LEPR: variants seen among roughly 807,000 people sequenced by gnomAD.
The protein encoded by LEPR is leptin receptor, also known as OB receptor.
A neutral mutation model predicts 114.7 loss-of-function variants in LEPR; 56 were observed. The ratio of observed to expected loss-of-function variants is 0.49; its 90% confidence interval spans 0.39 to 0.61. LEPR has a LOEUF of 0.61. LEPR is among the 20% of genes least tolerant of loss of function. LEPR has a pLI of 0.00. For synonymous variants in LEPR, 443 were observed against 461.4 expected, an observed-to-expected ratio of 0.96 and a Z score of 0.51; for missense variants, 1,202 against 1,352.9, an observed-to-expected ratio of 0.89 and a Z score of 1.75.
intron 2 of LEPR, among the ~76,000 whole-genome samples, chr1:65,429,342 G>A (rs1203658978): frequency 6.6e-6 from 1 of 152,084 alleles, no homozygotes; most frequent in African/African-American, 2.4e-5. Flanking sequence ...AAAAAAGGCT[G>A]GTGTGGCTAC....
chr1:65,631,141 C>T (rs1658502660), intron 19 of LEPR, among the ~76,000 whole-genome samples: 1 of 152,120 alleles, frequency 6.6e-6, no homozygotes, highest in Non-Finnish European at 1.5e-5. Flanking sequence ...GATGTGCTCT[C>T]AGCTAGCAAT....
chr1:65,534,460 G>A (rs1650615789), intron 2 of LEPR, among the ~76,000 whole-genome samples: 1 of 152,138 alleles, frequency 6.6e-6, no homozygotes, highest in Admixed American at 6.6e-5. Context: ...TTTATTGAGA[G>A]CTTACTCGGG....
At chr1:65,458,136 T>G (rs1170434299) in intron 2 of LEPR, among the ~76,000 whole-genome samples, 1 of 152,200 alleles carries the variant, frequency 6.6e-6, no homozygotes, top group African/African-American at 2.4e-5. Flanking sequence ...ATGAAAACAT[T>G]TTTGAACTTA....
At chr1:65,457,004 G>T (rs913766067) in intron 2 of LEPR, among the ~76,000 whole-genome samples, 2 of 151,738 alleles carry the variant, frequency 1.3e-5, no homozygotes, top group Non-Finnish European at 2.9e-5. Flanking sequence ...ATTTTTTAGT[G>T]TTTGCCCTAA....
intron 1 of LEPR, among the ~76,000 whole-genome samples, chr1:65,424,321 A>G (rs544201330): frequency 2.1e-4 from 32 of 152,232 alleles, no homozygotes; most frequent in Non-Finnish European, 4.0e-4. Flanking sequence ...CAAAATGATC[A>G]AAGGTATATA....
chr1:65,520,209 G>T (rs1291081036), intron 2 of LEPR, among the ~76,000 whole-genome samples: 1 of 152,096 alleles, frequency 6.6e-6, no homozygotes, highest in Non-Finnish European at 1.5e-5. Flanking sequence ...TGCCCAGGCT[G>T]GTCTTGAACT....
intron 2 of LEPR, among the ~76,000 whole-genome samples, chr1:65,508,509 T>G (rs1648871806): frequency 6.6e-6 from 1 of 152,212 alleles, no homozygotes; most frequent in Non-Finnish European, 1.5e-5. Context: ...TGTATAGGTT[T>G]ATTCCTGAGC....
intron 2 of LEPR, among the ~76,000 whole-genome samples, chr1:65,426,723 G>A (rs1459949395): frequency 2.0e-5 from 3 of 152,320 alleles, no homozygotes; most frequent in African/African-American, 7.2e-5. Flanking sequence ...ATTAGGCCAG[G>A]CACCATGGCT....
At chr1:65,463,357 C>T (rs1057482541) in intron 2 of LEPR, among the ~76,000 whole-genome samples, 2 of 152,078 alleles carry the variant, frequency 1.3e-5, no homozygotes, top group African/African-American at 4.8e-5. Flanking sequence ...ATTTCTGAGG[C>T]CTCTGTTCTG....
intron 2 of LEPR, among the ~76,000 whole-genome samples, chr1:65,518,873 TTTTC>T (rs55672943): frequency 0.074 from 8,638 of 117,134 alleles, 347 homozygotes; most frequent in Admixed American, 0.097. Context: ...CTTTCTTTCT[TTTTC>T]TTTCTTTCTT....
intron 2 of LEPR, among the ~76,000 whole-genome samples, chr1:65,439,659 A>G (rs1646621082): frequency 6.6e-6 from 1 of 152,026 alleles, no homozygotes; most frequent in Non-Finnish European, 1.5e-5. Context: ...TCTACTAAAA[A>G]TACAAAAAAT....
At chr1:65,492,097 G>A (rs1033345925) in intron 2 of LEPR, among the ~76,000 whole-genome samples, 1 of 151,916 alleles carries the variant, frequency 6.6e-6, no homozygotes, top group South Asian at 2.1e-4. Context: ...GGTATTTACC[G>A]AGTTCAACCA....
At chr1:65,494,557 T>G (rs1648053575) in intron 2 of LEPR, among the ~76,000 whole-genome samples, 1 of 152,184 alleles carries the variant, frequency 6.6e-6, no homozygotes, top group South Asian at 2.1e-4. Flanking sequence ...CTTAAGGCAG[T>G]TGTCTGTATG....
At chr1:65,609,889 C>G in intron 12 of LEPR, 58 bp from the exon 13 acceptor site, 1 of 1,607,750 alleles carries the variant, frequency 6.2e-7, no homozygotes, top group East Asian at 2.2e-5. Flanking sequence ...TACTTCAGGG[C>G]CCTTTAGATA....
intron 2 of LEPR, among the ~76,000 whole-genome samples, chr1:65,555,726 A>G (rs1364432484): frequency 6.6e-6 from 1 of 152,152 alleles, no homozygotes; most frequent in Non-Finnish European, 1.5e-5. Context: ...TGTTTCTGCC[A>G]TGATAGAGAA....
chr1:65,533,375 A>G (rs1650536215), intron 2 of LEPR, among the ~76,000 whole-genome samples: 2 of 152,202 alleles, frequency 1.3e-5, no homozygotes, highest in Admixed American at 1.3e-4. Context: ...TGGAAAGTCA[A>G]AACCCAAAGA....
intron 7 of LEPR, among the ~76,000 whole-genome samples, chr1:65,598,284 A>G (rs767080353): frequency 1.3e-5 from 2 of 151,806 alleles, no homozygotes; most frequent in African/African-American, 2.4e-5. Flanking sequence ...GGACACTTGT[A>G]GTTCTTTGTC....
intron 14 of LEPR, among the ~76,000 whole-genome samples, chr1:65,615,276 A>G (rs1570823597): frequency 6.6e-6 from 1 of 152,204 alleles, no homozygotes; most frequent in African/African-American, 2.4e-5. Flanking sequence ...CCAGCATTTA[A>G]TCTTACCTGC....
At chr1:65,602,444 T>C (rs1477001788) in intron 10 of LEPR, among the ~76,000 whole-genome samples, 1 of 151,966 alleles carries the variant, frequency 6.6e-6, no homozygotes, top group Non-Finnish European at 1.5e-5. Context: ...TAATAAAGGG[T>C]AATGTGTTCT....
Sources: gnomAD v4.1 joint callset for allele counts (sites outside exome capture counted in the v4.1 genomes callset) on GRCh38, gnomAD v4.1.1 for gene constraint, MANE v1.5 for transcripts, NCBI Gene and HGNC (gene_info 2026-07-23, HGNC 2026-07-21) for gene names.